SASH1: variants seen among roughly 807,000 people sequenced by gnomAD.
SASH1 encodes the protein SAM and SH3 domain-containing protein 1.
A neutral mutation model predicts 125.2 loss-of-function variants in SASH1; 44 were observed. The observed-to-expected ratio is 0.35, with a 90% CI of 0.28 to 0.45. The LOEUF (loss-of-function observed/expected upper bound fraction) is 0.45, where lower values mean the gene tolerates loss of function less well. SASH1 is among the 20% of genes least tolerant of loss of function. The probability of loss-of-function intolerance (pLI) is 1.00; values close to 1 mark genes in which losing one functional copy is unlikely to be tolerated. For missense variants in SASH1, 1,426 were observed against 1,614.5 expected (o/e 0.88, Z 2.00); for synonymous variants, 639 against 649.1 (o/e 0.98, Z 0.24).
chr6:148,327,553 G>A (rs1006639158), intron 1 of SASH1, among the ~76,000 whole-genome samples: 85 of 151,526 alleles, frequency 5.6e-4, no homozygotes, highest in African/African-American at 1.9e-3. Flanking sequence ...AAAGTTCTGG[G>A]ATTACAGGCG....
rs79447361 is a variant in SASH1 at position 148,512,004 on chromosome 6, C to CATTTATTTATTT, written c.730-2303_730-2292dup. Among the ~76,000 whole-genome samples, 754 of 129,098 alleles carry CATTTATTTATTT rather than the reference C, an allele frequency of 5.8e-3. 1 individual carries two copies. The highest frequency in any genetic ancestry group is 0.01 in the East Asian group (48 of 4,652). 84.7% of individuals were successfully genotyped at this position (129,098 alleles called of 152,430 possible). On this transcript the variant is annotated intron_variant, in intron 8 of 19. Coordinates refer to ENST00000367467, the MANE Select transcript of SASH1 (RefSeq NM_015278.5). ...CTATTTCATTTTCATTTGATTTCAA[C>CATTTATTTATTT]ATTTATTTATTTATTTATTTATTTA...
chr6:148,198,007 G>T, the SASH1 span, among the ~76,000 whole-genome samples: 1 of 152,046 alleles, frequency 6.6e-6, no homozygotes, highest in African/African-American at 2.4e-5. Context: ...CCAACACCAC[G>T]CCTGGCTCAT....
chr6:148,492,735 CT>C (rs1779158153), intron 8 of SASH1, among the ~76,000 whole-genome samples: 1 of 152,106 alleles, frequency 6.6e-6, no homozygotes, highest in South Asian at 2.1e-4. Flanking sequence ...GCAAGGAAAT[CT>C]TTTGAACCCA....
At chr6:148,499,066 T>TTTTTTTTG (rs1779451651) in intron 8 of SASH1, among the ~76,000 whole-genome samples, 1 of 149,552 alleles carries the variant, frequency 6.7e-6, no homozygotes, top group African/African-American at 2.5e-5. Flanking sequence ...TGTTTTTTTT[T>TTTTTTTTG]TTTTTTTTGG....
Position 148,519,704 on chromosome 6 carries a change from C to T in SASH1, c.1020C>T (p.Ser340=). 1 of 1,614,150 alleles carries T rather than the reference C, an allele frequency of 6.2e-7. No homozygotes were observed. Among genetic ancestry groups the T allele is most frequent in the Non-Finnish European group, 8.5e-7 (1 of 1,180,034 alleles). ...DSLTTSPSSS[S]LDTWGAGRKL... ...TCACCACGTCTCCATCCTCCAGCAG[C>T]CTGGACACCTGGGGGGCTGGCCGGA... is the stretch of plus-strand genomic sequence containing the variant. Residue 340 remains serine, a synonymous_variant, in exon 10 of 20, where the codon AGC becomes AGT. Transcript: ENST00000367467. The surrounding 1 kb of genome is among the most constrained non-coding windows in gnomAD (Gnocchi z 4.8).
intron 6 of SASH1, among the ~76,000 whole-genome samples, chr6:148,473,113 C>T (rs7760319): frequency 0.65 from 98,443 of 152,070 alleles, 32,248 homozygotes; most frequent in East Asian, 0.85. Flanking sequence ...CCTTCAGGTG[C>T]GAGTTGGAAG....
intron 1 of SASH1, among the ~76,000 whole-genome samples, chr6:148,359,112 A>G (rs113629142): frequency 4.0e-5 from 6 of 151,846 alleles, no homozygotes; most frequent in African/African-American, 1.5e-4. Flanking sequence ...ATGTATATAT[A>G]GGCATACTTC....
the SASH1 span, among the ~76,000 whole-genome samples, chr6:148,244,967 A>T: frequency 3.9e-4 from 59 of 150,120 alleles, no homozygotes; most frequent in Middle Eastern, 3.4e-3. Context: ...TGTGAGAGAG[A>T]GAGAGAGAGA....
chr6:148,304,106 C>A (rs1780052594), intron 1 of SASH1, among the ~76,000 whole-genome samples: 1 of 152,090 alleles, frequency 6.6e-6, no homozygotes, highest in African/African-American at 2.4e-5. Flanking sequence ...AGTTCAAGAC[C>A]AGCCTGGCCA....
intron 4 of SASH1, among the ~76,000 whole-genome samples, chr6:148,456,899 A>ATAATAATAATAT (rs1282189084): frequency 6.8e-6 from 1 of 148,098 alleles, no homozygotes; most frequent in Non-Finnish European, 1.5e-5. Context: ...AATAATAATA[A>ATAATAATAATAT]TATAATGTAA....
intron 8 of SASH1, among the ~76,000 whole-genome samples, chr6:148,494,634 AAAAAACAAAAAC>A (rs1407084894): frequency 6.6e-6 from 1 of 152,156 alleles, no homozygotes; most frequent in African/African-American, 2.4e-5. Flanking sequence ...TCAAAAAAAC[AAAAAACAAAAAC>A]AAAAACAAAA....
chr6:148,259,757 G>A, the SASH1 span, among the ~76,000 whole-genome samples: 25 of 152,292 alleles, frequency 1.6e-4, no homozygotes, highest in African/African-American at 4.3e-4. Context: ...TTTGGATCCC[G>A]CAGATGGTAC....
intron 1 of SASH1, among the ~76,000 whole-genome samples, chr6:148,275,241 T>C (rs1487317661): frequency 6.6e-6 from 1 of 152,218 alleles, no homozygotes; most frequent in Admixed American, 6.5e-5. Context: ...AATAATGTTC[T>C]CAAGAGCATT....
chr6:148,345,948 C>T (rs1407182892), intron 1 of SASH1, among the ~76,000 whole-genome samples: 1 of 152,182 alleles, frequency 6.6e-6, no homozygotes, highest in Non-Finnish European at 1.5e-5. Context: ...ATGTGACTTA[C>T]AAGATTCTTT....
chr6:148,403,054 G>T (rs1029882533), intron 2 of SASH1, among the ~76,000 whole-genome samples: 9 of 152,136 alleles, frequency 5.9e-5, no homozygotes, highest in Admixed American at 3.9e-4. Flanking sequence ...TGAACAGCTA[G>T]TAAGTATCAG....
At chr6:148,387,615 T>G (rs563124200) in intron 1 of SASH1, among the ~76,000 whole-genome samples, 3 of 34,338 alleles carry the variant, frequency 8.7e-5, no homozygotes, top group African/African-American at 1.3e-4. Context: ...TTTCTTTCTT[T>G]CTTTCTTTCT....
chr6:148,433,996 T>C (rs1444259037), intron 2 of SASH1, among the ~76,000 whole-genome samples: 2 of 151,774 alleles, frequency 1.3e-5, no homozygotes, highest in African/African-American at 2.4e-5. Flanking sequence ...AGAATTCTTT[T>C]AGATATTTTC....
chr6:148,473,670 G>A (rs1405448339), intron 6 of SASH1, among the ~76,000 whole-genome samples: 2 of 152,146 alleles, frequency 1.3e-5, no homozygotes, highest in African/African-American at 4.8e-5. Context: ...CCACTTCTTT[G>A]CAAAAATATT....
chr6:148,366,559 A>G (rs931035189), intron 1 of SASH1, among the ~76,000 whole-genome samples: 2 of 152,114 alleles, frequency 1.3e-5, no homozygotes, highest in African/African-American at 4.8e-5. Flanking sequence ...GAATTTTGTC[A>G]TTTGTAAAAC....
Sources: gnomAD v4.1 joint callset for allele counts (sites outside exome capture counted in the v4.1 genomes callset) on GRCh38, gnomAD v4.1.1 for gene constraint, Gnocchi (gnomAD v3.1) non-coding constraint, MANE v1.5 for transcripts, NCBI Gene and HGNC (gene_info 2026-07-23, HGNC 2026-07-21) for gene names.